The following ZNF385D variants were observed in gnomAD, a reference collection of about 807,000 sequenced individuals.
ZNF385D encodes the protein zinc finger protein 659.
Under a neutral mutation model 35.8 loss-of-function variants are expected in ZNF385D, and 15 were observed. That is an observed-to-expected ratio of 0.42 (90% CI 0.28 to 0.64). The LOEUF (loss-of-function observed/expected upper bound fraction) is 0.64. Among genes scored for constraint, ZNF385D ranks in the 30% least tolerant of loss-of-function variants. The probability of loss-of-function intolerance (pLI) is 0.23; values close to 1 mark genes in which losing one functional copy is unlikely to be tolerated. For synonymous variants in ZNF385D, 212 were observed against 186.8 expected (o/e 1.13, Z -1.10); for missense variants, 474 against 494.6 (o/e 0.96, Z 0.39).
intron 3 of ZNF385D, among the ~76,000 whole-genome samples, chr3:22,165,343 G>A (rs915496787): frequency 6.6e-5 from 10 of 152,152 alleles, no homozygotes; most frequent in Non-Finnish European, 1.2e-4. Context: ...AAAAAGCTGA[G>A]TAGTTTGGTC....
chr3:21,516,571 A>G (rs1216342327), intron 3 of ZNF385D, among the ~76,000 whole-genome samples: 3 of 152,164 alleles, frequency 2.0e-5, no homozygotes, highest in Non-Finnish European at 4.4e-5. Flanking sequence ...ACTCTTGTTT[A>G]TAGTACTCCT....
intron 3 of ZNF385D, among the ~76,000 whole-genome samples, chr3:21,825,494 G>A (rs1054042767): frequency 6.6e-6 from 1 of 151,560 alleles, no homozygotes; most frequent in Non-Finnish European, 1.5e-5. Context: ...AAAAAAAAGT[G>A]TAGAGTTAGG....
At chr3:21,439,761 C>CTGT (rs1209940840) in intron 4 of ZNF385D, among the ~76,000 whole-genome samples, 1 of 152,006 alleles carries the variant, frequency 6.6e-6, no homozygotes, top group Non-Finnish European at 1.5e-5. Context: ...AAACCAAAGA[C>CTGT]AACAGAAGAT....
chr3:22,187,448 G>A (rs1211178948), intron 2 of ZNF385D, among the ~76,000 whole-genome samples: 1 of 151,786 alleles, frequency 6.6e-6, no homozygotes, highest in Non-Finnish European at 1.5e-5. Flanking sequence ...CTTTCCTATG[G>A]TGACTTTTTT....
intron 2 of ZNF385D, among the ~76,000 whole-genome samples, chr3:22,192,032 A>T (rs1696077232): frequency 6.6e-6 from 1 of 152,162 alleles, no homozygotes; most frequent in South Asian, 2.1e-4. Flanking sequence ...ATCTACCCTG[A>T]AATGGCTCCA....
chr3:21,568,343 A>C (rs1350322642), intron 2 of ZNF385D, among the ~76,000 whole-genome samples: 1 of 152,100 alleles, frequency 6.6e-6, no homozygotes, highest in Non-Finnish European at 1.5e-5. Flanking sequence ...ATCAGGGGAC[A>C]CACACACAGA....
rs545466070 is a variant in ZNF385D at position 21,598,031 on chromosome 3, G to GCTA, written c.166-33350_166-33348dup. ...GAATTAATATTTACTGATTTACAAT[G>GCTA]CTACCTTAAAGGAAACTACTACTTT... On this transcript the variant is annotated intron_variant, in intron 2 of 7. Transcript: ENST00000281523. 5.3e-3 allele frequency among the ~76,000 whole-genome samples: 811 copies of GCTA among 152,282 alleles called. 13 individuals carry two copies. The highest frequency in any genetic ancestry group is 7.0e-3 in the Non-Finnish European group (478 of 68,012).
At chr3:21,673,171 T>C (rs556348737) in intron 1 of ZNF385D, among the ~76,000 whole-genome samples, 2 of 152,184 alleles carry the variant, frequency 1.3e-5, no homozygotes, top group East Asian at 3.9e-4. Context: ...ATAAAAGAGG[T>C]ATCATGCTGG....
At chr3:21,635,821 A>C (rs1442961672) in intron 2 of ZNF385D, among the ~76,000 whole-genome samples, 1 of 151,798 alleles carries the variant, frequency 6.6e-6, no homozygotes, top group Non-Finnish European at 1.5e-5. Context: ...TTGGTTTTCC[A>C]TTCCTGAATT....
chr3:21,540,627 T>C (rs144817251), intron 3 of ZNF385D, among the ~76,000 whole-genome samples: 133 of 152,300 alleles, frequency 8.7e-4, no homozygotes, highest in African/African-American at 2.9e-3. Flanking sequence ...GGTTAAAAGT[T>C]GTGAAGATGA....
intron 2 of ZNF385D, among the ~76,000 whole-genome samples, chr3:22,213,222 T>C (rs1430255624): frequency 1.3e-5 from 2 of 152,108 alleles, no homozygotes; most frequent in Non-Finnish European, 2.9e-5. Flanking sequence ...ACAAATGCTT[T>C]CTCTCAAAGG....
At chr3:21,571,326 C>A (rs2063328712) in intron 2 of ZNF385D, among the ~76,000 whole-genome samples, 1 of 152,076 alleles carries the variant, frequency 6.6e-6, no homozygotes. Context: ...ATTCTAAAAC[C>A]ATATCCTAAT....
chr3:21,484,096 A>G (rs903931421), intron 4 of ZNF385D, among the ~76,000 whole-genome samples: 3 of 152,294 alleles, frequency 2.0e-5, no homozygotes, highest in Non-Finnish European at 2.9e-5. Flanking sequence ...ATAATATATG[A>G]ATAGCAGATA....
chr3:21,974,790 G>A (rs6550644), intron 3 of ZNF385D, among the ~76,000 whole-genome samples: 20,629 of 151,976 alleles, frequency 0.14, 3,355 homozygotes, highest in African/African-American at 0.39. Flanking sequence ...AAGAAGGCAC[G>A]CAAATGGCAA....
chr3:22,132,110 G>A (rs1026111956), intron 3 of ZNF385D, among the ~76,000 whole-genome samples: 1 of 152,122 alleles, frequency 6.6e-6, no homozygotes, highest in East Asian at 1.9e-4. Flanking sequence ...GTGGTGCTAT[G>A]GTCTGAATAT....
rs566179168 is a variant in ZNF385D, at chr3:21,680,689, C to G, written c.23-15661G>C. ...GTGGCTTTCTTGTTTATTTGCTATG[C>G]TTTCACCAACTACTCCAGCCAAAAT... On this transcript the variant is annotated intron_variant, in intron 1 of 7. Coordinates refer to ENST00000281523, the MANE Select transcript of ZNF385D (RefSeq NM_024697.3). 2.0e-5 allele frequency among the ~76,000 whole-genome samples: 3 copies of G among 152,272 alleles called. No homozygotes were observed. The East Asian group carries it at 5.8e-4, about 29-fold the overall frequency.
intron 3 of ZNF385D, among the ~76,000 whole-genome samples, chr3:21,974,680 G>A (rs1409211387): frequency 2.0e-5 from 3 of 152,052 alleles, no homozygotes; most frequent in African/African-American, 7.2e-5. Flanking sequence ...TATCTGATAA[G>A]GGATTACTAA....
chr3:22,353,206 C>G (rs1695997026), intron 2 of ZNF385D, among the ~76,000 whole-genome samples: 1 of 152,184 alleles, frequency 6.6e-6, no homozygotes, highest in South Asian at 2.1e-4. Flanking sequence ...CTACTGGAAT[C>G]TCTTCATTCA....
intron 2 of ZNF385D, among the ~76,000 whole-genome samples, chr3:21,633,329 A>G (rs956622789): frequency 6.6e-6 from 1 of 152,092 alleles, no homozygotes; most frequent in Non-Finnish European, 1.5e-5. Context: ...AAATGATGAA[A>G]CTTTAAATTG....
Sources: gnomAD v4.1 joint callset for allele counts (sites outside exome capture counted in the v4.1 genomes callset) on GRCh38, gnomAD v4.1.1 for gene constraint, MANE v1.5 for transcripts, NCBI Gene and HGNC (gene_info 2026-07-23, HGNC 2026-07-21) for gene names.